Variants in LRRTM4 observed in about 807,000 individuals in gnomAD.
LRRTM4 encodes leucine-rich repeat transmembrane neuronal protein 4.
LRRTM4 carries 25 observed loss-of-function variants against 47.6 expected under a neutral mutation model. That is an observed-to-expected ratio of 0.53 (90% confidence interval 0.38 to 0.73). The LOEUF is 0.73. LRRTM4 is among the 30% of genes least tolerant of loss of function. The pLI, the probability that LRRTM4 is intolerant of heterozygous loss-of-function variation, is 0.00. For synonymous variants in LRRTM4, 311 were observed against 269.5 expected, an observed-to-expected ratio of 1.15 and a Z score of -1.51; for missense variants, 638 against 713.4, an observed-to-expected ratio of 0.89 and a Z score of 1.20.
intron 3 of LRRTM4, among the ~76,000 whole-genome samples, chr2:77,288,665 G>T (rs898656833): frequency 2.0e-5 from 3 of 152,168 alleles, no homozygotes; most frequent in Admixed American, 6.6e-5. Context: ...ATAAACATTT[G>T]TCTGTCTTCA....
chr2:77,350,490 T>C lies in LRRTM4; in HGVS notation c.1551+167828A>G, dbSNP rs181966251. ...TAGAATTTTTCTAAAATAGTATGTA[T>C]AGTCCAGTGTTAAGGTATAACTTTG... is the stretch of plus-strand genomic sequence containing the variant. On this transcript the variant is annotated intron_variant, in intron 3 of 3. Transcript: ENST00000409884. Among the ~76,000 whole-genome samples the C allele has an allele frequency of 9.9e-4, 150 of 152,140 alleles. 1 individual carries two copies. Among genetic ancestry groups the C allele is most frequent in the African/African-American group, 3.3e-3 (136 of 41,542 alleles).
Position 76,768,410 on chromosome 2 carries a change from T to C in LRRTM4, c.1552-19494A>G, listed in dbSNP as rs1573069641. ...TTAGATTTTTTCTTTAGAATAAATA[T>C]TGGCTTTTCATTAGGTCAATCCAGA... On this transcript the variant is annotated intron_variant, in intron 3 of 3. Transcript: ENST00000409884. 2.6e-5 allele frequency among the ~76,000 whole-genome samples: 4 copies of C among 152,164 alleles called. No homozygotes were observed. The South Asian group carries it at 6.2e-4, about 24-fold the overall frequency.
chr2:76,878,363 T>A (rs1196980243), intron 3 of LRRTM4, among the ~76,000 whole-genome samples: 1 of 152,148 alleles, frequency 6.6e-6, no homozygotes, highest in Non-Finnish European at 1.5e-5. Flanking sequence ...AACCCTATAA[T>A]GTCCTCTAAG....
Position 77,395,869 on chromosome 2 carries a change from C to T in LRRTM4, c.1551+122449G>A, listed in dbSNP as rs538898107. On this transcript the variant is annotated intron_variant, in intron 3 of 3. Transcript: ENST00000409884. Reference sequence around the variant, plus strand: ...ATTCATTTCAGTATTACATCAGCTACTCTCCTTTGATTTTCATTCTTAAGT... The same window carrying T: ...ATTCATTTCAGTATTACATCAGCTATTCTCCTTTGATTTTCATTCTTAAGT... Among the ~76,000 whole-genome samples the T allele has an allele frequency of 1.0e-3, 155 of 152,054 alleles. 1 individual carries two copies. The highest frequency in any genetic ancestry group is 3.7e-3 in the African/African-American group (153 of 41,538).
In LRRTM4 at chr2:76,803,566, A is replaced by G. The variant is rs183529790; in HGVS notation, c.1552-54650T>C. Among the ~76,000 whole-genome samples the G allele has an allele frequency of 3.5e-3, 534 of 152,322 alleles. 2 individuals carry two copies. Among genetic ancestry groups the G allele is most frequent in the Non-Finnish European group, 6.0e-3 (406 of 68,020 alleles). ...TTCTCAAAAAATTAAATATAAAACT[A>G]ACAGATGATTCGGCAATACCGCTAC... On this transcript the variant is annotated intron_variant, in intron 3 of 3. Coordinates refer to ENST00000409884, the MANE Select transcript of LRRTM4 (RefSeq NM_001134745.3).
intron 3 of LRRTM4, among the ~76,000 whole-genome samples, chr2:76,997,002 G>T (rs1344593632): frequency 6.6e-6 from 1 of 152,156 alleles, no homozygotes; most frequent in South Asian, 2.1e-4. Context: ...CATCAAGGGA[G>T]AAGGAGCCAG....
chr2:77,066,393 A>G (rs749627225), intron 3 of LRRTM4, among the ~76,000 whole-genome samples: 1 of 152,228 alleles, frequency 6.6e-6, no homozygotes, highest in Non-Finnish European at 1.5e-5. Context: ...TAATAGCATC[A>G]TCTTTGCAGG....
intron 3 of LRRTM4, among the ~76,000 whole-genome samples, chr2:77,380,992 A>G (rs1326028013): frequency 6.6e-6 from 1 of 152,044 alleles, no homozygotes; most frequent in Admixed American, 6.6e-5. Flanking sequence ...ATATAAAACA[A>G]CTAGTGGCAG....
chr2:76,818,300 T>A (rs1460934100), intron 3 of LRRTM4, among the ~76,000 whole-genome samples: 1 of 151,766 alleles, frequency 6.6e-6, no homozygotes, highest in Non-Finnish European at 1.5e-5. Context: ...GTGAATAATA[T>A]GGTGGAATTT....
intron 3 of LRRTM4, among the ~76,000 whole-genome samples, chr2:77,462,397 A>C (rs1160853250): frequency 6.6e-6 from 1 of 152,102 alleles, no homozygotes; most frequent in Non-Finnish European, 1.5e-5. Context: ...GTGGCTTAGC[A>C]CTTCTCTCTT....
intron 3 of LRRTM4, among the ~76,000 whole-genome samples, chr2:77,474,030 G>T (rs1016217919): frequency 5.9e-5 from 9 of 152,032 alleles, no homozygotes; most frequent in Non-Finnish European, 1.2e-4. Flanking sequence ...GTCCCATATT[G>T]GTTATTACAC....
intron 3 of LRRTM4, among the ~76,000 whole-genome samples, chr2:76,809,313 T>A (rs1573148545): frequency 6.6e-6 from 1 of 152,154 alleles, no homozygotes; most frequent in Non-Finnish European, 1.5e-5. Flanking sequence ...TATTCAGTAT[T>A]TTTCTAAGTG....
intron 3 of LRRTM4, among the ~76,000 whole-genome samples, chr2:77,298,318 G>A (rs1038146281): frequency 2.6e-5 from 4 of 152,108 alleles, no homozygotes; most frequent in African/African-American, 9.7e-5. Context: ...CTCACTGCAA[G>A]CTCCGTCTCC....
intron 3 of LRRTM4, among the ~76,000 whole-genome samples, chr2:77,110,742 G>A (rs1283647283): frequency 1.3e-5 from 2 of 152,048 alleles, no homozygotes; most frequent in African/African-American, 4.8e-5. Flanking sequence ...AGCATAGATA[G>A]GTGTCTAAGG....
At chr2:76,908,948 C>T (rs182357116) in intron 3 of LRRTM4, among the ~76,000 whole-genome samples, 127 of 152,246 alleles carry the variant, frequency 8.3e-4, no homozygotes, top group Non-Finnish European at 1.5e-3. Context: ...AATGCCATCC[C>T]CATCAAGCTA....
intron 3 of LRRTM4, among the ~76,000 whole-genome samples, chr2:77,282,777 A>T (rs1676543178): frequency 6.6e-6 from 1 of 152,060 alleles, no homozygotes; most frequent in Non-Finnish European, 1.5e-5. Context: ...GTGTTGAGAT[A>T]GCTGGCTATC....
At chr2:76,879,160 A>C (rs2104097701) in intron 3 of LRRTM4, among the ~76,000 whole-genome samples, 1 of 152,356 alleles carries the variant, frequency 6.6e-6, no homozygotes, top group East Asian at 1.9e-4. Context: ...TAAGATCATT[A>C]GTGAAACTGG....
chr2:77,099,558 T>C (rs1670897657), intron 3 of LRRTM4, among the ~76,000 whole-genome samples: 3 of 152,108 alleles, frequency 2.0e-5, no homozygotes, highest in South Asian at 2.1e-4. Context: ...CAGTTGGCAG[T>C]GGTATCTAGG....
At chr2:77,292,078 A>C (rs969693691) in intron 3 of LRRTM4, among the ~76,000 whole-genome samples, 19 of 150,266 alleles carry the variant, frequency 1.3e-4, no homozygotes, top group Admixed American at 3.3e-4. Context: ...TTATGCAGCC[A>C]AAAAAACACA....
Sources: allele counts gnomAD v4.1 joint callset (sites outside exome capture counted in the v4.1 genomes callset), GRCh38; gene constraint gnomAD v4.1.1; transcripts MANE v1.5; gene names NCBI Gene and HGNC (gene_info 2026-07-23, HGNC 2026-07-21).